Variants in MRPL1 observed in about 807,000 individuals in gnomAD.
MRPL1 encodes the protein large ribosomal subunit protein uL1m.
In MRPL1, 28 loss-of-function variants were observed where a neutral mutation model predicts 38.0. The ratio of observed to expected loss-of-function variants is 0.74; its 90% CI spans 0.55 to 1.01. MRPL1 has a LOEUF of 1.01. Among genes scored for constraint, MRPL1 ranks in the 50% least tolerant of loss-of-function variants. The pLI, the probability that MRPL1 is intolerant of heterozygous loss-of-function variation, is 0.00. For missense variants in MRPL1, 358 were observed against 389.8 expected (o/e 0.92, Z 0.69); for synonymous variants, 123 against 126.7 (o/e 0.97, Z 0.20).
At chr4:77,921,523 A>T (rs1184427011) in intron 7 of MRPL1, among the ~76,000 whole-genome samples, 2 of 152,268 alleles carry the variant, frequency 1.3e-5, no homozygotes, top group South Asian at 4.1e-4. Context: ...AAAGGCTCTG[A>T]GAAAAAAAGG....
At chr4:77,886,789 CTTTTTTTTTTT>C (rs71214375) in intron 4 of MRPL1, among the ~76,000 whole-genome samples, 1 of 90,516 alleles carries the variant, frequency 1.1e-5, no homozygotes, top group African/African-American at 4.6e-5. Flanking sequence ...TTTGCATTTT[CTTTTTTTTTTT>C]TTTTTTTTTT....
intron 7 of MRPL1, among the ~76,000 whole-genome samples, chr4:77,923,947 G>C (rs1239391642): frequency 1.3e-5 from 2 of 151,416 alleles, no homozygotes; most frequent in African/African-American, 4.9e-5. Context: ...GTTGCAGTGA[G>C]CCGAGATTGC....
chr4:77,896,431 A>G (rs1213696890), intron 6 of MRPL1, among the ~76,000 whole-genome samples: 1 of 152,046 alleles, frequency 6.6e-6, no homozygotes, highest in East Asian at 1.9e-4. Context: ...TTTCACCCCA[A>G]CATGATCTAT....
intron 6 of MRPL1, among the ~76,000 whole-genome samples, chr4:77,898,609 G>A (rs142244431): frequency 0.018 from 2,738 of 151,716 alleles, 26 homozygotes; most frequent in Non-Finnish European, 0.026. Flanking sequence ...TCCTGCCTCA[G>A]CCTCCTGAGT....
intron 6 of MRPL1, among the ~76,000 whole-genome samples, chr4:77,905,365 C>T (rs1012860225): frequency 2.6e-4 from 39 of 151,696 alleles, no homozygotes; most frequent in South Asian, 1.0e-3. Context: ...GATATGGTGG[C>T]GCACACCTGT....
At chr4:77,934,464 A>G (rs1417230406) in intron 7 of MRPL1, among the ~76,000 whole-genome samples, 4 of 152,230 alleles carry the variant, frequency 2.6e-5, no homozygotes, top group Non-Finnish European at 4.4e-5. Flanking sequence ...CTGTCAGGAA[A>G]ATGCAAATTA....
In MRPL1 at chr4:77,862,838, G is replaced by A. The variant is rs775701619; in HGVS notation, c.-11G>A. ...GGAACAATTTCGTGAACGCAATCCG[G>A]AGTGCCCAACATGGCGGCGGCCGTA... On this transcript the variant is annotated 5_prime_UTR_variant, in exon 1 of 9. Transcript: ENST00000315567. 11 of 1,613,952 alleles carry A rather than the reference G, an allele frequency of 6.8e-6. No homozygotes were observed. The Admixed American group carries it at 1.2e-4, about 17-fold the overall frequency.
At chr4:77,945,356 C>T (rs1420044402) in intron 7 of MRPL1, among the ~76,000 whole-genome samples, 2 of 151,932 alleles carry the variant, frequency 1.3e-5, no homozygotes, top group Non-Finnish European at 2.9e-5. Flanking sequence ...ACTGGTCTAA[C>T]AAGTGCTTAT....
Position 77,952,651 on chromosome 4 carries a change from T to C in MRPL1, c.*44T>C. On this transcript the variant is annotated 3_prime_UTR_variant, in exon 9 of 9. Transcript: ENST00000315567. ...TTACTTTCAGTGGTTTAAGAAGCAA[T>C]GGAGAAAATGATAATACAGCATAAT... 1 of 1,244,780 alleles carries C rather than the reference T, an allele frequency of 8.0e-7. No individual in the cohort carries two copies. The highest frequency in any genetic ancestry group is 2.3e-5 in the East Asian group (1 of 42,614). 77.1% of individuals were successfully genotyped at this position (1,244,780 alleles called of 1,614,324 possible).
At chr4:77,948,358 C>G (rs551795505) in intron 7 of MRPL1, among the ~76,000 whole-genome samples, 1 of 152,254 alleles carries the variant, frequency 6.6e-6, no homozygotes, top group East Asian at 1.9e-4. Context: ...TATTTTTCAA[C>G]ATAAAATATG....
intron 1 of MRPL1, among the ~76,000 whole-genome samples, chr4:77,867,746 C>CTT (rs71214374): frequency 0.015 from 1,386 of 91,976 alleles, 116 homozygotes; most frequent in African/African-American, 0.04. Flanking sequence ...ATAGTTATTT[C>CTT]TTTTTTTTTT....
intron 7 of MRPL1, among the ~76,000 whole-genome samples, chr4:77,932,760 T>C (rs1412369929): frequency 6.6e-6 from 1 of 151,916 alleles, no homozygotes; most frequent in East Asian, 1.9e-4. Context: ...GTAATAATAA[T>C]AGAAATAGAG....
At chr4:77,863,536 A>C (rs1483418019) in intron 1 of MRPL1, among the ~76,000 whole-genome samples, 1 of 138,266 alleles carries the variant, frequency 7.2e-6, no homozygotes, top group African/African-American at 2.8e-5. Context: ...GTGCGATCTC[A>C]GCTCACTGCA....
intron 2 of MRPL1, among the ~76,000 whole-genome samples, chr4:77,874,411 G>A (rs1735347622): frequency 6.6e-6 from 1 of 152,130 alleles, no homozygotes; most frequent in Non-Finnish European, 1.5e-5. Flanking sequence ...CCCCTATTGA[G>A]GCACATTTTT....
intron 7 of MRPL1, among the ~76,000 whole-genome samples, chr4:77,939,745 T>C (rs1390314778): frequency 2.0e-5 from 3 of 152,200 alleles, no homozygotes; most frequent in African/African-American, 7.2e-5. Context: ...GATCCAGTTT[T>C]ATTCTTCTAC....
In MRPL1 at chr4:77,867,746, CTTTTTTTTTTTTTTTT is replaced by C. The variant is rs71214374; in HGVS notation, c.32-3984_32-3969del. Among the ~76,000 whole-genome samples, 4 of 92,040 alleles carry C rather than the reference CTTTTTTTTTTTTTTTT, an allele frequency of 4.3e-5. No individual in the cohort carries two copies. In the East Asian group the frequency reaches 1.7e-3, roughly 39 times the overall value. 60.4% of individuals were successfully genotyped at this position (92,040 alleles called of 152,430 possible). A position where few individuals can be genotyped will look rare whatever the true frequency, so the allele number is the denominator to read the frequency against. The stretch of plus-strand genomic sequence containing the variant: ...TACACCCAGCCTTGGATAGTTATTT[CTTTTTTTTTTTTTTTT>C]TTTTTTTTTTTTTAGACGGAGTCTT... On this transcript the variant is annotated intron_variant, in intron 1 of 8. Coordinates refer to ENST00000315567, the MANE Select transcript of MRPL1 (RefSeq NM_020236.4).
At chr4:77,866,748 C>CTT (rs1560457402) in intron 1 of MRPL1, among the ~76,000 whole-genome samples, 32 of 150,146 alleles carry the variant, frequency 2.1e-4, no homozygotes, top group African/African-American at 7.4e-4. Context: ...ATATCACCCC[C>CTT]CTTTTTTTTT....
intron 7 of MRPL1, among the ~76,000 whole-genome samples, chr4:77,941,333 TTTTG>T (rs1206721444): frequency 6.6e-6 from 1 of 152,202 alleles, no homozygotes; most frequent in African/African-American, 2.4e-5. Flanking sequence ...AGTTTTCTTT[TTTTG>T]TTATGTTCTT....
At chr4:77,936,107 G>A (rs1010728) in intron 7 of MRPL1, among the ~76,000 whole-genome samples, 33,240 of 151,540 alleles carry the variant, frequency 0.22, 4,393 homozygotes, top group African/African-American at 0.36. Flanking sequence ...AAATCATTCA[G>A]AATTCCTGTA....
Sources: gnomAD v4.1 joint callset for allele counts (sites outside exome capture counted in the v4.1 genomes callset) on GRCh38, gnomAD v4.1.1 for gene constraint, MANE v1.5 for transcripts, NCBI Gene and HGNC (gene_info 2026-07-23, HGNC 2026-07-21) for gene names.